Variants in ATP2B1 observed in about 807,000 individuals in gnomAD.
ATP2B1 encodes plasma membrane calcium-transporting ATPase 1.
Under a neutral mutation model 124.2 loss-of-function variants are expected in ATP2B1, and 14 were observed. The ratio of observed to expected loss-of-function variants is 0.11; its 90% CI spans 0.07 to 0.18. ATP2B1 has a LOEUF of 0.18. ATP2B1 is among the 10% of genes least tolerant of loss of function. The pLI is 1.00. For synonymous variants in ATP2B1, 449 were observed against 492.4 expected, an observed-to-expected ratio of 0.91 and a Z score of 1.17; for missense variants, 763 against 1,466.1, an observed-to-expected ratio of 0.52 and a Z score of 7.83.
intron 12 of ATP2B1, among the ~76,000 whole-genome samples, chr12:89,614,919 C>T (rs556172979): frequency 6.6e-6 from 1 of 152,210 alleles, no homozygotes; most frequent in East Asian, 1.9e-4. Flanking sequence ...TCATTAGCTT[C>T]CCTGCTTCTA....
At chr12:89,593,377 G>A (rs1326075936) in intron 20 of ATP2B1, 1 of 152,026 alleles carries the variant, frequency 6.6e-6, no homozygotes, top group Non-Finnish European at 1.5e-5. Flanking sequence ...GATGGGTGAT[G>A]AGAACTGTTC....
intron 1 of ATP2B1, among the ~76,000 whole-genome samples, chr12:89,699,884 G>A (rs1317913870): frequency 2.4e-4 from 37 of 151,922 alleles, no homozygotes; most frequent in Admixed American, 2.0e-3. Flanking sequence ...TCCCTCTGTC[G>A]CCCAGGCTGT....
In ATP2B1 at chr12:89,643,296, T is replaced by C. The variant is rs147630009; in HGVS notation, c.209-941A>G. Among the ~76,000 whole-genome samples the C allele has an allele frequency of 8.8e-3, 1,334 of 151,956 alleles. 18 individuals carry two copies. Among genetic ancestry groups the C allele is most frequent in the Non-Finnish European group, 0.011 (750 of 67,958 alleles). Reference sequence around the variant, plus strand: ...TATATTTGGTTCAGTTATATAGATATAGATACAGATTTGGTTTAGTTATTG... The same window carrying C: ...TATATTTGGTTCAGTTATATAGATACAGATACAGATTTGGTTTAGTTATTG... On this transcript the variant is annotated intron_variant, in intron 2 of 20. Transcript: ENST00000428670.
chr12:89,642,139 T>C lies in ATP2B1; in HGVS notation c.406+19A>G, dbSNP rs1263656521. 6.3e-7 allele frequency: 1 copy of C among 1,593,618 alleles called. No homozygotes were observed. The highest frequency in any genetic ancestry group is 1.7e-5 in the Admixed American group (1 of 58,606). Reference sequence around the variant, plus strand: ...CTGAACTAGCATCAGACATGTCTTTTTTCCCCCCATTTACTTACGTGCATT... The same window carrying C: ...CTGAACTAGCATCAGACATGTCTTTCTTCCCCCCATTTACTTACGTGCATT... On this transcript the variant is annotated intron_variant, in intron 3 of 20. Transcript: ENST00000428670.
intron 1 of ATP2B1, among the ~76,000 whole-genome samples, chr12:89,675,853 G>A (rs1404830753): frequency 2.6e-5 from 4 of 152,066 alleles, no homozygotes; most frequent in Admixed American, 6.6e-5. Context: ...AAAGTTTCCT[G>A]ACGAGCCAGG....
At chr12:89,664,856 T>TC (rs1443086799) in intron 1 of ATP2B1, among the ~76,000 whole-genome samples, 3 of 151,894 alleles carry the variant, frequency 2.0e-5, no homozygotes, top group African/African-American at 7.3e-5. Context: ...CTATTCTTTT[T>TC]TTTTTTTTTT....
intron 1 of ATP2B1, among the ~76,000 whole-genome samples, chr12:89,671,442 C>T (rs950736312): frequency 5.3e-5 from 8 of 152,174 alleles, no homozygotes; most frequent in Non-Finnish European, 8.8e-5. Context: ...ATGTTGACTA[C>T]TTACCAGAGT....
chr12:89,668,188 C>A (rs751619692), intron 1 of ATP2B1, among the ~76,000 whole-genome samples: 1 of 152,102 alleles, frequency 6.6e-6, no homozygotes, highest in Non-Finnish European at 1.5e-5. Context: ...TTTGTACCTC[C>A]GGAGGTTTTC....
intron 12 of ATP2B1, among the ~76,000 whole-genome samples, chr12:89,614,369 A>C (rs1272220213): frequency 6.6e-6 from 1 of 152,170 alleles, no homozygotes. Context: ...CAAAATAAAA[A>C]AACAACCTTT....
intron 1 of ATP2B1, among the ~76,000 whole-genome samples, chr12:89,703,701 C>A (rs1004788295): frequency 6.6e-6 from 1 of 152,106 alleles, no homozygotes; most frequent in Non-Finnish European, 1.5e-5. Context: ...TAAGTAACCA[C>A]AGATGGATCT....
intron 1 of ATP2B1, among the ~76,000 whole-genome samples, chr12:89,656,617 A>G (rs997588027): frequency 6.6e-6 from 1 of 152,324 alleles, no homozygotes; most frequent in Non-Finnish European, 1.5e-5. Flanking sequence ...CATATGGAAT[A>G]GCCCCTGAAA....
chr12:89,628,609 A>C (rs1881323227), intron 6 of ATP2B1, among the ~76,000 whole-genome samples: 1 of 152,188 alleles, frequency 6.6e-6, no homozygotes, highest in African/African-American at 2.4e-5. Flanking sequence ...AGATGAGCAT[A>C]TCTGAAGCAA....
intron 1 of ATP2B1, among the ~76,000 whole-genome samples, chr12:89,659,384 G>A (rs796418424): frequency 1.5e-5 from 2 of 132,100 alleles, no homozygotes; most frequent in East Asian, 2.4e-4. Context: ...ACACACACAC[G>A]CACAAGCACA....
intron 20 of ATP2B1, among the ~76,000 whole-genome samples, chr12:89,597,914 C>T (rs12300848): frequency 4.0e-5 from 6 of 151,486 alleles, no homozygotes; most frequent in African/African-American, 1.5e-4. Context: ...CATTTCTTAT[C>T]TATGATGCAA....
At chr12:89,677,971 T>TATATATATATAC (rs1461216851) in intron 1 of ATP2B1, among the ~76,000 whole-genome samples, 6 of 52,322 alleles carry the variant, frequency 1.1e-4, no homozygotes, top group African/African-American at 3.5e-4. Flanking sequence ...TATATATATA[T>TATATATATATAC]ACACACACAC....
At chr12:89,661,643 C>A (rs577862828) in intron 1 of ATP2B1, among the ~76,000 whole-genome samples, 1 of 152,264 alleles carries the variant, frequency 6.6e-6, no homozygotes, top group Admixed American at 6.5e-5. Context: ...GACACCCTGA[C>A]CATTAGATGC....
intron 1 of ATP2B1, among the ~76,000 whole-genome samples, chr12:89,691,926 G>C (rs1890600162): frequency 1.3e-5 from 2 of 152,122 alleles, no homozygotes; most frequent in Non-Finnish European, 2.9e-5. Context: ...GTCAGGCAAA[G>C]CAATTAAAGA....
chr12:89,680,032 T>C (rs1250628933), intron 1 of ATP2B1, among the ~76,000 whole-genome samples: 1 of 152,122 alleles, frequency 6.6e-6, no homozygotes, highest in Non-Finnish European at 1.5e-5. Flanking sequence ...ACCATCATTA[T>C]CCATTAAAAA....
chr12:89,615,285 C>T (rs752797916), intron 12 of ATP2B1, among the ~76,000 whole-genome samples: 2 of 152,078 alleles, frequency 1.3e-5, no homozygotes, highest in East Asian at 1.9e-4. Context: ...TTCATTACAC[C>T]GTGCATATCT....
Sources: allele counts gnomAD v4.1 joint callset (sites outside exome capture counted in the v4.1 genomes callset), GRCh38; gene constraint gnomAD v4.1.1; transcripts MANE v1.5; gene names NCBI Gene and HGNC (gene_info 2026-07-23, HGNC 2026-07-21).